Variants in SCN10A observed in about 807,000 individuals in gnomAD.
SCN10A encodes the protein sodium channel protein type 10 subunit alpha.
SCN10A carries 162 observed loss-of-function variants against 170.7 expected under a neutral mutation model. The ratio of observed to expected loss-of-function variants is 0.95; its 90% confidence interval spans 0.84 to 1.08. The LOEUF (loss-of-function observed/expected upper bound fraction) is 1.08. Ranked by LOEUF, SCN10A falls within the 50% of genes least tolerant of loss-of-function variation. SCN10A has a pLI of 0.00. For synonymous variants in SCN10A, 985 were observed against 904.6 expected, an observed-to-expected ratio of 1.09 and a Z score of -1.59; for missense variants, 2,527 against 2,436.9, an observed-to-expected ratio of 1.04 and a Z score of -0.78.
At chr3:38,762,485 G>A (rs114266972) in intron 6 of SCN10A, among the ~76,000 whole-genome samples, 6 of 152,258 alleles carry the variant, frequency 3.9e-5, no homozygotes, top group Non-Finnish European at 7.4e-5. Context: ...TATCCCAGAA[G>A]AAGGGGCAGC....
intron 18 of SCN10A, among the ~76,000 whole-genome samples, chr3:38,724,064 G>A (rs1451003788): frequency 6.6e-6 from 1 of 152,190 alleles, no homozygotes; most frequent in Non-Finnish European, 1.5e-5. Flanking sequence ...TGAAAACATT[G>A]AGTAGGGACA....
intron 17 of SCN10A, among the ~76,000 whole-genome samples, chr3:38,726,186 C>T (rs2063452477): frequency 6.6e-6 from 1 of 152,214 alleles, no homozygotes; most frequent in Non-Finnish European, 1.5e-5. Flanking sequence ...TGTGATACCA[C>T]TTGTGGGGAA....
chr3:38,771,153 G>A (rs771476914), intron 5 of SCN10A, 126 bp downstream of exon 5: 13 of 1,022,278 alleles, frequency 1.3e-5, no homozygotes, highest in Non-Finnish European at 1.9e-5. Context: ...GGTTCTTGGA[G>A]CAAACGTTCA....
At chr3:38,709,762 A>T in intron 24 of SCN10A, 147 bp from the exon 25 acceptor site, 1 of 685,302 alleles carries the variant, frequency 1.5e-6, no homozygotes, top group Non-Finnish European at 2.4e-6. Flanking sequence ...GTGGGGAAGA[A>T]TAAGCGGGAA....
intron 5 of SCN10A, among the ~76,000 whole-genome samples, chr3:38,765,267 G>T (rs996518081): frequency 2.0e-5 from 3 of 151,974 alleles, no homozygotes; most frequent in Admixed American, 2.0e-4. Context: ...TTGGGTCCTT[G>T]GTCAGGAACG....
intron 14 of SCN10A, among the ~76,000 whole-genome samples, chr3:38,741,563 T>C (rs368191733): frequency 5.9e-5 from 9 of 152,324 alleles, no homozygotes; most frequent in African/African-American, 2.2e-4. Flanking sequence ...GTATTATTAC[T>C]ATTCCTGTGG....
rs562083950 is a variant in SCN10A at position 38,699,587 on chromosome 3, AAGAAAGT to A, written c.4658-1032_4658-1026del. 3.4e-3 allele frequency among the ~76,000 whole-genome samples: 516 copies of A among 152,326 alleles called. 1 individual carries two copies. The highest frequency in any genetic ancestry group is 0.012 in the African/African-American group (482 of 41,576). ...GTCACAATATTGTGTTGGAAAGAGG[AAGAAAGT>A]AGAAGGGGACTTGGGAAATAATTAT... On this transcript the variant is annotated intron_variant, in intron 27 of 27. Coordinates refer to ENST00000449082, the MANE Select transcript of SCN10A (RefSeq NM_006514.4).
At chr3:38,778,475 A>G (rs1301318134) in intron 4 of SCN10A, among the ~76,000 whole-genome samples, 1 of 151,882 alleles carries the variant, frequency 6.6e-6, no homozygotes, top group Non-Finnish European at 1.5e-5. Context: ...AGAAAATGGA[A>G]TATCTATCTT....
intron 15 of SCN10A, among the ~76,000 whole-genome samples, chr3:38,736,963 GTT>G (rs71085334): frequency 2.6e-3 from 119 of 46,660 alleles, no homozygotes; most frequent in Middle Eastern, 0.034. Flanking sequence ...AGAAATGTTC[GTT>G]TTTTTTTTTT....
intron 19 of SCN10A, among the ~76,000 whole-genome samples, chr3:38,722,820 G>C (rs753105639): frequency 6.6e-6 from 1 of 152,218 alleles, no homozygotes; most frequent in African/African-American, 2.4e-5. Context: ...GCCCAGCTCA[G>C]CCCAGCCCAG....
chr3:38,706,973 G>A (rs1041179868), intron 26 of SCN10A, among the ~76,000 whole-genome samples: 21 of 152,282 alleles, frequency 1.4e-4, no homozygotes, highest in South Asian at 6.2e-4. Context: ...TACCCTTACT[G>A]TCACTTAGCT....
intron 4 of SCN10A, among the ~76,000 whole-genome samples, chr3:38,782,139 T>A (rs9815458): frequency 0.014 from 2,168 of 152,238 alleles, 58 homozygotes; most frequent in African/African-American, 0.048. Context: ...GTAATTATTT[T>A]GTCCATTTCT....
intron 4 of SCN10A, among the ~76,000 whole-genome samples, chr3:38,787,371 C>A (rs2064219885): frequency 6.6e-6 from 1 of 152,152 alleles, no homozygotes; most frequent in African/African-American, 2.4e-5. Context: ...TTGTACCCAG[C>A]TACCTTACTA....
At chr3:38,811,047 C>G (rs1469088922) in intron 1 of SCN10A, among the ~76,000 whole-genome samples, 4 of 152,116 alleles carry the variant, frequency 2.6e-5, no homozygotes, top group African/African-American at 7.2e-5. Flanking sequence ...GATACTGGAG[C>G]CATACTTTCC....
intron 15 of SCN10A, among the ~76,000 whole-genome samples, chr3:38,736,700 T>C (rs7428167): frequency 0.59 from 88,809 of 151,544 alleles, 26,716 homozygotes; most frequent in African/African-American, 0.74. Context: ...AAATCTAAGC[T>C]AGGTCATGAG....
intron 13 of SCN10A, among the ~76,000 whole-genome samples, chr3:38,748,739 G>C (rs2063718084): frequency 6.6e-6 from 1 of 152,164 alleles, no homozygotes; most frequent in Non-Finnish European, 1.5e-5. Flanking sequence ...GGCTCTCTCT[G>C]AGGCTGCTTC....
chr3:38,750,061 A>C lies in SCN10A; in HGVS notation c.1867+12T>G. 1.4e-6 allele frequency: 2 copies of C among 1,457,054 alleles called. No individual in the cohort carries two copies. Among genetic ancestry groups the C allele is most frequent in the Non-Finnish European group, 1.9e-6 (2 of 1,037,666 alleles). The allele number at this position is 1,457,054 out of a possible 1,614,324, so 90.3% of individuals were successfully genotyped here. ...GACACAGTGGATGAACAATGCAGTG[A>C]GCAGCACTTACCCTCAAGGACGGAG... On this transcript the variant is annotated intron_variant, in intron 13 of 27. Transcript: ENST00000449082.
At chr3:38,742,652 CCT>C (rs1312603603) in intron 13 of SCN10A, 123 bp from the exon 14 acceptor site, 1 of 745,714 alleles carries the variant, frequency 1.3e-6, no homozygotes, top group Admixed American at 1.9e-5. Context: ...TGACTTCAGC[CCT>C]CTCTCTGTCT....
At chr3:38,797,227 T>C (rs2064346024) in intron 1 of SCN10A, among the ~76,000 whole-genome samples, 1 of 152,032 alleles carries the variant, frequency 6.6e-6, no homozygotes. Flanking sequence ...AATACCTCTG[T>C]GATATAGACA....
Sources: allele counts gnomAD v4.1 joint callset (sites outside exome capture counted in the v4.1 genomes callset), GRCh38; gene constraint gnomAD v4.1.1; transcripts MANE v1.5; gene names NCBI Gene and HGNC (gene_info 2026-07-23, HGNC 2026-07-21).